The following GABRA2 variants were observed in gnomAD, a reference collection of about 807,000 sequenced individuals.
GABRA2 encodes the protein gamma-aminobutyric acid receptor subunit alpha-2.
A neutral mutation model predicts 48.7 loss-of-function variants in GABRA2; 16 were observed. That is an observed-to-expected ratio of 0.33 (90% CI 0.22 to 0.50). The LOEUF (loss-of-function observed/expected upper bound fraction) is 0.50. Ranked by LOEUF, GABRA2 falls within the 20% of genes least tolerant of loss-of-function variation. The pLI, the probability that GABRA2 is intolerant of heterozygous loss-of-function variation, is 0.98. For missense variants in GABRA2, 275 were observed against 535.6 expected (o/e 0.51, Z 4.80); for synonymous variants, 185 against 184.5 (o/e 1.00, Z -0.02).
intron 8 of GABRA2, among the ~76,000 whole-genome samples, chr4:46,288,271 G>A (rs1178935252): frequency 1.3e-5 from 2 of 152,086 alleles, no homozygotes; most frequent in Non-Finnish European, 2.9e-5. Context: ...ACTGTTGTTG[G>A]GGTATAGAAA....
chr4:46,276,599 CAAAA>C (rs60891194), intron 8 of GABRA2, among the ~76,000 whole-genome samples: 6 of 85,146 alleles, frequency 7.0e-5, no homozygotes, highest in Non-Finnish European at 8.0e-5. Flanking sequence ...ACTTCAGGCT[CAAAA>C]AAAAAAAAAA....
intron 4 of GABRA2, 72 bp from the exon 5 acceptor site, chr4:46,312,788 T>A: frequency 1.4e-6 from 1 of 734,030 alleles, no homozygotes; most frequent in Non-Finnish European, 2.2e-6. Flanking sequence ...AATTCCAAAA[T>A]AATATTCTAA....
chr4:46,371,965 G>T (rs781752936), intron 3 of GABRA2, among the ~76,000 whole-genome samples: 9 of 152,204 alleles, frequency 5.9e-5, no homozygotes, highest in Non-Finnish European at 1.0e-4. Flanking sequence ...AAAGTGTGGC[G>T]CACAGAACAG....
Position 46,250,527 on chromosome 4 carries a change from T to C in GABRA2, c.1137A>G (p.Ser379=). Reference sequence around the variant, plus strand: ...AGATGGTGGAGAGAACTGGATCTTTTGAAAGATTCGGGGCATAATTGGCAA... The same window carrying C: ...AGATGGTGGAGAGAACTGGATCTTTCGAAAGATTCGGGGCATAATTGGCAA... ...VAVANYAPNL[S]KDPVLSTISK... Residue 379 remains serine (S), a synonymous_variant, in exon 10 of 10, where the codon TCA becomes TCG. Transcript: ENST00000381620. 1 of 1,611,754 alleles carries C rather than the reference T, an allele frequency of 6.2e-7. No homozygotes were observed. The highest frequency in any genetic ancestry group is 8.5e-7 in the Non-Finnish European group (1 of 1,178,506).
chr4:46,389,490 T>C (rs1717941204), intron 1 of GABRA2: 1 of 767,788 alleles, frequency 1.3e-6, no homozygotes, highest in African/African-American at 1.9e-5. Flanking sequence ...TTGAAGACTA[T>C]AAAAGAGCCA....
intron 8 of GABRA2, among the ~76,000 whole-genome samples, chr4:46,268,991 G>T (rs1486001145): frequency 6.6e-6 from 1 of 151,824 alleles, no homozygotes; most frequent in Non-Finnish European, 1.5e-5. Flanking sequence ...TAAAGCAATT[G>T]AACTCATAGA....
intron 9 of GABRA2, among the ~76,000 whole-genome samples, chr4:46,255,155 T>G (rs1423027131): frequency 4.0e-5 from 6 of 151,620 alleles, no homozygotes. Context: ...GCACAGACTG[T>G]GTATTGCAGA....
At chr4:46,364,003 C>G (rs1713642600) in intron 3 of GABRA2, 1 of 152,132 alleles carries the variant, frequency 6.6e-6, no homozygotes, top group South Asian at 2.1e-4. Context: ...GCGGAAGACT[C>G]AGAAATAAGA....
chr4:46,314,603 A>G (rs1728229296), intron 4 of GABRA2, among the ~76,000 whole-genome samples: 1 of 152,060 alleles, frequency 6.6e-6, no homozygotes, highest in South Asian at 2.1e-4. Context: ...TTAGCATGTT[A>G]CCCAATAGTT....
intron 9 of GABRA2, among the ~76,000 whole-genome samples, chr4:46,254,925 T>C (rs550946057): frequency 6.6e-6 from 1 of 151,618 alleles, no homozygotes; most frequent in East Asian, 2.0e-4. Flanking sequence ...TCAGAACTGA[T>C]AATTAACTCC....
chr4:46,279,536 C>T lies in GABRA2; in HGVS notation c.857-17408G>A, dbSNP rs922024212. Among the ~76,000 whole-genome samples the T allele has an allele frequency of 1.2e-4, 18 of 151,746 alleles. 1 individual carries two copies. Among genetic ancestry groups the T allele is most frequent in the Non-Finnish European group, 2.5e-4 (17 of 67,934 alleles). ...TTATTTTTTGCATCACAACTGTGTT[C>T]TTCCATATAAAGAGTTATATTAAAC... On this transcript the variant is annotated intron_variant, in intron 8 of 9. Coordinates refer to ENST00000381620, the MANE Select transcript of GABRA2 (RefSeq NM_000807.4).
chr4:46,370,186 GA>G (rs919390003), intron 3 of GABRA2, among the ~76,000 whole-genome samples: 5 of 147,720 alleles, frequency 3.4e-5, no homozygotes, highest in Admixed American at 6.8e-5. Context: ...AAGCAAAGCT[GA>G]AAAAAAAAGC....
At chr4:46,268,536 A>C (rs1376151097) in intron 8 of GABRA2, among the ~76,000 whole-genome samples, 1 of 151,930 alleles carries the variant, frequency 6.6e-6, no homozygotes. Context: ...AAGGAACAAA[A>C]GAGAACATGT....
intron 3 of GABRA2, among the ~76,000 whole-genome samples, chr4:46,382,242 A>G (rs1419555178): frequency 6.6e-6 from 1 of 151,952 alleles, no homozygotes; most frequent in Non-Finnish European, 1.5e-5. Context: ...AAAAAATGAA[A>G]TTGGGCAAAA....
intron 8 of GABRA2, among the ~76,000 whole-genome samples, chr4:46,281,975 G>C (rs1269761435): frequency 6.6e-6 from 1 of 152,148 alleles, no homozygotes; most frequent in Non-Finnish European, 1.5e-5. Context: ...GTGCACAGAC[G>C]GAAGGGTTGG....
At chr4:46,347,800 A>C (rs917296837) in intron 3 of GABRA2, among the ~76,000 whole-genome samples, 1 of 152,002 alleles carries the variant, frequency 6.6e-6, no homozygotes, top group Non-Finnish European at 1.5e-5. Flanking sequence ...AGCAGATGGA[A>C]GAGAAAAAAA....
At chr4:46,283,345 G>T (rs519869) in intron 8 of GABRA2, among the ~76,000 whole-genome samples, 94,512 of 151,916 alleles carry the variant, frequency 0.62, 30,038 homozygotes, top group South Asian at 0.76. Context: ...AACAGCCATT[G>T]TAACCCACGA....
rs1444824447 is a variant in GABRA2, at chr4:46,249,028, C to CTGTGTGTGTGTGTGTGTGTG, written c.*1279_*1280insCACACACACACACACACACA. The CTGTGTGTGTGTGTGTGTGTG allele has an allele frequency of 5.8e-4, 28 of 48,026 alleles. No individual in the cohort carries two copies. The highest frequency in any genetic ancestry group is 5.0e-3 in the South Asian group (4 of 804). 3.0% of individuals were successfully genotyped at this position (48,026 alleles called of 1,614,324 possible). A position where few individuals can be genotyped will look rare whatever the true frequency, so the allele number is the denominator to read the frequency against. ...TTTAAAATTGTGTTTTCTAATTTAG[C>CTGTGTGTGTGTGTGTGTGTG]TGTGTATGTGTGTGTGTGTGTGTGT... On this transcript the variant is annotated 3_prime_UTR_variant, in exon 10 of 10. Coordinates refer to ENST00000381620, the MANE Select transcript of GABRA2 (RefSeq NM_000807.4).
chr4:46,343,937 C>T (rs1733715005), intron 3 of GABRA2, among the ~76,000 whole-genome samples: 1 of 151,752 alleles, frequency 6.6e-6, no homozygotes, highest in Non-Finnish European at 1.5e-5. Context: ...TTCTTTATCC[C>T]TAAAAAGAGA....
Sources: gnomAD v4.1 joint callset for allele counts (sites outside exome capture counted in the v4.1 genomes callset) on GRCh38, gnomAD v4.1.1 for gene constraint, MANE v1.5 for transcripts, NCBI Gene and HGNC (gene_info 2026-07-23, HGNC 2026-07-21) for gene names.